ESR1: variants seen among roughly 807,000 people sequenced by gnomAD.
ESR1 encodes estrogen receptor 1.
Under a neutral mutation model 52.7 loss-of-function variants are expected in ESR1, and 12 were observed. The observed-to-expected ratio is 0.23, with a 90% CI of 0.15 to 0.37. The LOEUF (loss-of-function observed/expected upper bound fraction) is 0.37, where lower values mean the gene tolerates loss of function less well. Ranked by LOEUF, ESR1 falls within the 10% of genes least tolerant of loss-of-function variation. ESR1 has a pLI of 1.00. For missense variants in ESR1, 584 were observed against 779.7 expected, an observed-to-expected ratio of 0.75 and a Z score of 2.99; for synonymous variants, 305 against 316.8, an observed-to-expected ratio of 0.96 and a Z score of 0.39.
At chr6:151,768,800 C>T (rs543506925) in intron 2 of ESR1, among the ~76,000 whole-genome samples, 2 of 152,092 alleles carry the variant, frequency 1.3e-5, no homozygotes, top group Admixed American at 6.5e-5. Context: ...TCCTTTAACT[C>T]GTAAATTACT....
chr6:151,690,352 T>C (rs756998769), upstream of ESR1: 2 of 152,220 alleles, frequency 1.3e-5, no homozygotes, highest in Non-Finnish European at 2.9e-5. Flanking sequence ...TCCATCTTAA[T>C]GGAAGTGCTA....
chr6:151,721,228 G>C (rs972019929), intron 2 of ESR1, among the ~76,000 whole-genome samples: 9 of 152,172 alleles, frequency 5.9e-5, no homozygotes, highest in African/African-American at 2.2e-4. Flanking sequence ...GAGTCTTCAG[G>C]AAAGAGGCAA....
intron 4 of ESR1, among the ~76,000 whole-genome samples, chr6:151,957,177 C>A (rs564879467): frequency 8.2e-4 from 125 of 152,066 alleles, no homozygotes; most frequent in Admixed American, 6.1e-3. Flanking sequence ...ACGTGCGACC[C>A]ACATGTCTGT....
chr6:151,887,935 C>T (rs1794122640), intron 3 of ESR1, among the ~76,000 whole-genome samples: 1 of 150,900 alleles, frequency 6.6e-6, no homozygotes, highest in African/African-American at 2.4e-5. Context: ...AAACATTTAT[C>T]AAAGAAACTG....
chr6:151,835,987 G>A (rs827421), intron 1 of ESR1, among the ~76,000 whole-genome samples: 74,978 of 152,020 alleles, frequency 0.49, 19,080 homozygotes, highest in Admixed American at 0.64. Flanking sequence ...AAAGGAGAAC[G>A]TTGTACTTTA....
chr6:151,749,923 A>C (rs1364763290), intron 2 of ESR1, among the ~76,000 whole-genome samples: 4 of 152,240 alleles, frequency 2.6e-5, no homozygotes, highest in Non-Finnish European at 5.9e-5. Flanking sequence ...TGGTGACATA[A>C]TCAATATGAT....
At chr6:151,939,619 C>G (rs2034805956) in intron 3 of ESR1, among the ~76,000 whole-genome samples, 1 of 151,710 alleles carries the variant, frequency 6.6e-6, no homozygotes, top group Admixed American at 6.6e-5. Flanking sequence ...CCACTCAATT[C>G]TAGTTAGATA....
chr6:152,054,072 G>A (rs1045269951), intron 5 of ESR1, among the ~76,000 whole-genome samples: 5 of 151,830 alleles, frequency 3.3e-5, no homozygotes, highest in Non-Finnish European at 5.9e-5. Flanking sequence ...CCCAATCTTA[G>A]CAAGTGAAAA....
intron 6 of ESR1, chr6:152,122,094 A>ATCTCGG: frequency 1.1e-5 from 4 of 367,194 alleles, no homozygotes; most frequent in East Asian, 6.3e-5. Context: ...AGCTGCCCAG[A>ATCTCGG]TGGTCTACTG....
rs552465416 is a variant in ESR1, at chr6:151,820,087, G to T, written c.452+11723G>T. Among the ~76,000 whole-genome samples the T allele has an allele frequency of 5.3e-5, 8 of 152,250 alleles. No homozygotes were observed. The South Asian group carries it at 1.7e-3, about 32-fold the overall frequency. On this transcript the variant is annotated intron_variant, in intron 1 of 7. Coordinates refer to ENST00000206249, the MANE Select transcript of ESR1 (RefSeq NM_000125.4). ...GAGACAGCCAGGAGCATTGAGGAGAGGCACTTAACCAGATGGAGGATCTTG... is the reference window on the plus strand; with the variant it reads ...GAGACAGCCAGGAGCATTGAGGAGATGCACTTAACCAGATGGAGGATCTTG...
At chr6:152,091,981 G>GCT (rs1361436953) in intron 6 of ESR1, among the ~76,000 whole-genome samples, 3 of 152,190 alleles carry the variant, frequency 2.0e-5, no homozygotes, top group Non-Finnish European at 2.9e-5. Flanking sequence ...GGAGGCAGAG[G>GCT]CTCTAGGGGA....
At chr6:151,954,764 A>G (rs1480570886) in intron 4 of ESR1, among the ~76,000 whole-genome samples, 1 of 152,240 alleles carries the variant, frequency 6.6e-6, no homozygotes, top group Non-Finnish European at 1.5e-5. Flanking sequence ...CATGCATTCA[A>G]GTTCTATCTG....
intron 3 of ESR1, among the ~76,000 whole-genome samples, chr6:151,925,541 A>C (rs887444466): frequency 6.6e-6 from 1 of 152,222 alleles, no homozygotes; most frequent in African/African-American, 2.4e-5. Flanking sequence ...CAGGAGGTGG[A>C]GGTTGCAGTC....
intron 2 of ESR1, among the ~76,000 whole-genome samples, chr6:151,746,531 C>T (rs1783495467): frequency 6.6e-6 from 1 of 152,080 alleles, no homozygotes; most frequent in South Asian, 2.1e-4. Flanking sequence ...AGGGAAAAGG[C>T]ATCAATCAAA....
downstream of ESR1, among the ~76,000 whole-genome samples, chr6:152,104,977 T>C (rs1276204128): frequency 6.6e-6 from 1 of 152,074 alleles, no homozygotes; most frequent in Non-Finnish European, 1.5e-5. Flanking sequence ...GAAGCTGCCA[T>C]AAAAAACCCA....
At chr6:152,065,466 T>A (rs2047893170) in intron 6 of ESR1, among the ~76,000 whole-genome samples, 1 of 152,212 alleles carries the variant, frequency 6.6e-6, no homozygotes, top group Non-Finnish European at 1.5e-5. Context: ...CAAAGCTTTA[T>A]ATGTAAAAAC....
chr6:152,128,154 T>A (rs1038318011), exon 7 of ESR1: 1 of 152,220 alleles, frequency 6.6e-6, no homozygotes, highest in African/African-American at 2.4e-5. Context: ...TTAATGGCGA[T>A]AAGGTTAGAA....
chr6:151,918,496 A>G (rs747465893), intron 3 of ESR1, among the ~76,000 whole-genome samples: 1 of 152,202 alleles, frequency 6.6e-6, no homozygotes, highest in Admixed American at 6.5e-5. Flanking sequence ...TTGCCAGTGT[A>G]TTTGAATTTG....
intron 4 of ESR1, among the ~76,000 whole-genome samples, chr6:151,984,548 T>C (rs530825425): frequency 6.6e-6 from 1 of 152,276 alleles, no homozygotes; most frequent in Admixed American, 6.5e-5. Flanking sequence ...TATTATACAC[T>C]AGCTGTGTCT....
Sources: gnomAD v4.1 joint callset for allele counts (sites outside exome capture counted in the v4.1 genomes callset) on GRCh38, gnomAD v4.1.1 for gene constraint, MANE v1.5 for transcripts, NCBI Gene and HGNC (gene_info 2026-07-23, HGNC 2026-07-21) for gene names.